PTPRD: variants seen among roughly 807,000 people sequenced by gnomAD.
The protein encoded by PTPRD is receptor-type tyrosine-protein phosphatase delta.
Under a neutral mutation model 214.5 loss-of-function variants are expected in PTPRD, and 34 were observed. That is an observed-to-expected ratio of 0.16 (90% CI 0.12 to 0.21). PTPRD has a LOEUF of 0.21. Among genes scored for constraint, PTPRD ranks in the 10% least tolerant of loss-of-function variants. PTPRD has a pLI of 1.00. For missense variants in PTPRD, 2,545 were observed against 2,398.7 expected (o/e 1.06, Z -1.27); for synonymous variants, 1,128 against 845.7 (o/e 1.33, Z -5.79).
chr9:9,122,515 C>T (rs1465583911), intron 10 of PTPRD, among the ~76,000 whole-genome samples: 2 of 152,030 alleles, frequency 1.3e-5, no homozygotes, highest in African/African-American at 2.4e-5. Flanking sequence ...GTCAGATCTC[C>T]ATCTTGGGTT....
chr9:9,350,716 A>G (rs1689601967), intron 9 of PTPRD, among the ~76,000 whole-genome samples: 1 of 152,116 alleles, frequency 6.6e-6, no homozygotes, highest in Non-Finnish European at 1.5e-5. Flanking sequence ...TATTTTAAAT[A>G]TGAAATTGAA....
chr9:8,726,280 C>A (rs1211195849), intron 12 of PTPRD, among the ~76,000 whole-genome samples: 1 of 151,656 alleles, frequency 6.6e-6, no homozygotes, highest in Admixed American at 6.6e-5. Context: ...CCAACCAAGT[C>A]AAGGTTACTT....
At position 8,507,450 on chromosome 9, in the gene PTPRD, C is replaced by A. The variant is rs1015889288; in HGVS notation, c.1544-16G>T. On this transcript the variant is annotated splice_polypyrimidine_tract_variant and intron_variant, in intron 21 of 45. Coordinates refer to ENST00000381196, the MANE Select transcript of PTPRD (RefSeq NM_002839.4). ...TGCCCTGGTACTAAAAACAGGGAGGCAATGGATTGAACTCACAATCACCAG... is the reference window on the plus strand; with the variant it reads ...TGCCCTGGTACTAAAAACAGGGAGGAAATGGATTGAACTCACAATCACCAG... The A allele has an allele frequency of 3.7e-6, 6 of 1,613,374 alleles. No individual in the cohort carries two copies. The Admixed American group carries it at 8.3e-5, about 22-fold the overall frequency.
chr9:10,462,903 G>A (rs1247716506), intron 2 of PTPRD, among the ~76,000 whole-genome samples: 2 of 150,224 alleles, frequency 1.3e-5, no homozygotes, highest in Non-Finnish European at 3.0e-5. Flanking sequence ...ATGTAATATA[G>A]CATTTTAAAA....
intron 9 of PTPRD, among the ~76,000 whole-genome samples, chr9:9,388,740 T>C (rs768229454): frequency 2.0e-5 from 3 of 152,310 alleles, no homozygotes; most frequent in Non-Finnish European, 4.4e-5. Context: ...TTATAGGTAT[T>C]AGTCTAAGGA....
intron 8 of PTPRD, among the ~76,000 whole-genome samples, chr9:9,573,473 A>G (rs1402205241): frequency 6.6e-6 from 1 of 151,498 alleles, no homozygotes; most frequent in Non-Finnish European, 1.5e-5. Flanking sequence ...TTTTGTAACA[A>G]TTCACTAAAA....
intron 8 of PTPRD, among the ~76,000 whole-genome samples, chr9:9,456,897 G>C (rs183204978): frequency 2.6e-5 from 4 of 152,010 alleles, no homozygotes. Context: ...CAAAAGAAGA[G>C]AGGAAGGAAG....
At chr9:9,173,768 C>A (rs180978808) in intron 10 of PTPRD, among the ~76,000 whole-genome samples, 13 of 152,244 alleles carry the variant, frequency 8.5e-5, no homozygotes, top group Admixed American at 3.9e-4. Flanking sequence ...AAGCATGACT[C>A]TATTTTAAAT....
At chr9:9,712,256 A>G (rs990773965) in intron 7 of PTPRD, among the ~76,000 whole-genome samples, 4 of 152,294 alleles carry the variant, frequency 2.6e-5, no homozygotes, top group Admixed American at 6.5e-5. Context: ...AACATTTCTC[A>G]TTTTTAAAAG....
chr9:10,285,477 A>G (rs1389811630), intron 3 of PTPRD, among the ~76,000 whole-genome samples: 2 of 152,178 alleles, frequency 1.3e-5, no homozygotes, highest in African/African-American at 2.4e-5. Context: ...TTATTCTTAT[A>G]GAAACATTAC....
Position 8,331,704 on chromosome 9 carries a change from C to T in PTPRD, c.5412G>A (p.Gln1804=). ...CTCCTTGCTCTGGCCAGTCAGTGAA[C>T]TGGAACTGCCTTACTGTTCGGGACT... is the stretch of plus-strand genomic sequence containing the variant. ...DGQSRTVRQF[Q]FTDWPEQGVP... Residue 1804 remains glutamine, a synonymous_variant, in exon 44 of 46, where the codon CAG becomes CAA. Transcript: ENST00000381196. 2 of 1,613,068 alleles carry T rather than the reference C, an allele frequency of 1.2e-6. No individual in the cohort carries two copies. The highest frequency in any genetic ancestry group is 4.5e-5 in the East Asian group (2 of 44,842).
At chr9:9,806,724 G>C (rs976208313) in intron 5 of PTPRD, among the ~76,000 whole-genome samples, 50 of 152,260 alleles carry the variant, frequency 3.3e-4, no homozygotes, top group African/African-American at 1.2e-3. Flanking sequence ...GCCTAACAGT[G>C]ATCAGCAGCT....
At chr9:10,195,608 T>C (rs2099394859) in intron 3 of PTPRD, among the ~76,000 whole-genome samples, 1 of 152,178 alleles carries the variant, frequency 6.6e-6, no homozygotes, top group Admixed American at 6.5e-5. Context: ...AACTTTAGTA[T>C]AAGGTATAAT....
At chr9:8,873,893 A>G (rs1426451295) in intron 11 of PTPRD, among the ~76,000 whole-genome samples, 1 of 152,166 alleles carries the variant, frequency 6.6e-6, no homozygotes, top group African/African-American at 2.4e-5. Context: ...CCATGTGAAT[A>G]GTAATGGTGC....
At chr9:9,551,143 G>A (rs187931972) in intron 8 of PTPRD, among the ~76,000 whole-genome samples, 2 of 151,924 alleles carry the variant, frequency 1.3e-5, no homozygotes, top group Admixed American at 1.3e-4. Context: ...CCCTAAACCT[G>A]CATATGAATG....
intron 11 of PTPRD, among the ~76,000 whole-genome samples, chr9:8,760,133 A>G (rs543548734): frequency 6.6e-6 from 1 of 152,200 alleles, no homozygotes; most frequent in South Asian, 2.1e-4. Flanking sequence ...GTTTTACCAC[A>G]TTGGCCAGGC....
At chr9:9,836,934 T>A (rs2056927536) in intron 5 of PTPRD, among the ~76,000 whole-genome samples, 1 of 152,158 alleles carries the variant, frequency 6.6e-6, no homozygotes, top group Non-Finnish European at 1.5e-5. Flanking sequence ...CTTTCAAGAT[T>A]GAATGTGTGG....
chr9:9,940,985 G>A (rs1189851154), intron 4 of PTPRD, among the ~76,000 whole-genome samples: 2 of 152,006 alleles, frequency 1.3e-5, no homozygotes, highest in African/African-American at 2.4e-5. Flanking sequence ...GCAAGCTTTT[G>A]GCTTCCCTGG....
intron 3 of PTPRD, among the ~76,000 whole-genome samples, chr9:10,126,700 T>G (rs1484359040): frequency 6.6e-6 from 1 of 152,156 alleles, no homozygotes; most frequent in Non-Finnish European, 1.5e-5. Flanking sequence ...TTAACATAGC[T>G]GTCTAGATAT....
Sources: gnomAD v4.1 joint callset for allele counts (sites outside exome capture counted in the v4.1 genomes callset) on GRCh38, gnomAD v4.1.1 for gene constraint, MANE v1.5 for transcripts, NCBI Gene and HGNC (gene_info 2026-07-23, HGNC 2026-07-21) for gene names.